ABI3BP: variants seen among roughly 807,000 people sequenced by gnomAD.
ABI3BP encodes the protein ABI family member 3 binding protein.
Under a neutral mutation model 268.6 loss-of-function variants are expected in ABI3BP, and 216 were observed. That is an observed-to-expected ratio of 0.80 (90% confidence interval 0.72 to 0.90). The LOEUF (loss-of-function observed/expected upper bound fraction) is 0.90, where lower values mean the gene tolerates loss of function less well. ABI3BP is among the 40% of genes least tolerant of loss of function. The probability of loss-of-function intolerance (pLI) is 0.00; values close to 1 mark genes in which losing one functional copy is unlikely to be tolerated. For synonymous variants in ABI3BP, 730 were observed against 730.0 expected, an observed-to-expected ratio of 1.00 and a Z score of 0.00; for missense variants, 2,090 against 2,182.4, an observed-to-expected ratio of 0.96 and a Z score of 0.84.
chr3:100,898,314 C>T (rs1333075414), intron 4 of ABI3BP, among the ~76,000 whole-genome samples: 1 of 152,098 alleles, frequency 6.6e-6, no homozygotes, highest in Admixed American at 6.5e-5. Flanking sequence ...CTGAGGGGGA[C>T]CTGAGAATTT....
intron 20 of ABI3BP, among the ~76,000 whole-genome samples, chr3:100,842,671 G>A (rs376772861): frequency 6.6e-6 from 1 of 151,968 alleles, no homozygotes; most frequent in South Asian, 2.1e-4. Context: ...TTAAATAACA[G>A]TATCTAAATA....
intron 2 of ABI3BP, chr3:100,911,458 C>T (rs542652419): frequency 1.3e-4 from 47 of 375,976 alleles, no homozygotes; most frequent in Middle Eastern, 7.8e-4. Flanking sequence ...TGTTTATATC[C>T]TTTACTAGTT....
intron 66 of ABI3BP, 173 bp downstream of exon 66, chr3:100,752,614 A>C (rs2095399684): frequency 1.6e-6 from 1 of 626,182 alleles, no homozygotes; most frequent in Admixed American, 3.0e-5. Context: ...GCATGTCTTA[A>C]ATCCTTGCTT....
intron 46 of ABI3BP, 21 bp downstream of exon 46, chr3:100,812,446 C>A: frequency 1.4e-5 from 18 of 1,293,804 alleles, no homozygotes; most frequent in Non-Finnish European, 1.7e-5. Flanking sequence ...TGCTTGACTT[C>A]CCATTGGGGA....
intron 1 of ABI3BP, among the ~76,000 whole-genome samples, chr3:100,992,613 T>C (rs965792212): frequency 6.6e-6 from 1 of 152,270 alleles, no homozygotes; most frequent in Non-Finnish European, 1.5e-5. Flanking sequence ...CAACAGCCTC[T>C]TGTTTTGGTT....
chr3:100,791,269 A>G (rs1577838740), intron 55 of ABI3BP, among the ~76,000 whole-genome samples: 1 of 151,894 alleles, frequency 6.6e-6, no homozygotes. Context: ...TGGTGACACA[A>G]TATTCTCTTT....
intron 1 of ABI3BP, among the ~76,000 whole-genome samples, chr3:100,939,908 C>A (rs983606492): frequency 1.3e-5 from 2 of 151,966 alleles, no homozygotes; most frequent in African/African-American, 2.4e-5. Flanking sequence ...TAGGCCTATA[C>A]CCCCAGGCGC....
chr3:100,828,336 A>G, intron 34 of ABI3BP, 57 bp downstream of exon 34: 1 of 1,445,756 alleles, frequency 6.9e-7, no homozygotes, highest in South Asian at 1.2e-5. Flanking sequence ...TATACAGTGG[A>G]ATAAGCTTGA....
chr3:100,968,233 A>C (rs2082112198), intron 1 of ABI3BP, among the ~76,000 whole-genome samples: 1 of 152,194 alleles, frequency 6.6e-6, no homozygotes, highest in Non-Finnish European at 1.5e-5. Context: ...CCATTTCAGA[A>C]ATTTCAAATA....
chr3:100,993,420 G>A lies in ABI3BP; in HGVS notation c.-36C>T, dbSNP rs1396548251. The stretch of plus-strand genomic sequence containing the variant: ...CCACCTCGCATGGGGAATGATGCTG[G>A]TGGGTGCCTCGCAACCCTGGAGCTG... On this transcript the variant is annotated 5_prime_UTR_variant, in exon 1 of 68. Coordinates refer to ENST00000471714, the MANE Select transcript of ABI3BP (RefSeq NM_001375547.2). 6.5e-7 allele frequency: 1 copy of A among 1,538,390 alleles called. No individual in the cohort carries two copies.
At chr3:100,828,289 C>A (rs2098424436) in intron 34 of ABI3BP, 104 bp downstream of exon 34, 2 of 1,052,424 alleles carry the variant, frequency 1.9e-6, no homozygotes, top group African/African-American at 1.6e-5. Context: ...TATGCATGTT[C>A]AACCGTTACA....
At chr3:100,767,829 T>A (rs2096353781) in intron 62 of ABI3BP, among the ~76,000 whole-genome samples, 1 of 152,134 alleles carries the variant, frequency 6.6e-6, no homozygotes, top group Non-Finnish European at 1.5e-5. Context: ...TTATTTATCA[T>A]CCTTGAGTTG....
At chr3:100,964,392 G>A (rs1051586509) in intron 1 of ABI3BP, among the ~76,000 whole-genome samples, 6 of 152,124 alleles carry the variant, frequency 3.9e-5, no homozygotes, top group African/African-American at 1.4e-4. Flanking sequence ...CCTCAAATTG[G>A]ACTATAAATT....
chr3:100,964,868 G>A (rs1052672620), intron 1 of ABI3BP, among the ~76,000 whole-genome samples: 2 of 152,076 alleles, frequency 1.3e-5, no homozygotes, highest in African/African-American at 4.8e-5. Flanking sequence ...GCCCTCACTG[G>A]TTGTACCAGC....
chr3:100,894,926 G>GT (rs1426707626), intron 4 of ABI3BP, among the ~76,000 whole-genome samples: 23 of 60,292 alleles, frequency 3.8e-4, no homozygotes, highest in African/African-American at 9.8e-4. Context: ...GCGACAGAGC[G>GT]GGATTCCGCT....
At chr3:100,783,294 G>A (rs1012953328) in intron 57 of ABI3BP, among the ~76,000 whole-genome samples, 1 of 152,170 alleles carries the variant, frequency 6.6e-6, no homozygotes, top group African/African-American at 2.4e-5. Context: ...GAGGGGACTG[G>A]ATTATCGTGC....
At chr3:100,919,554 C>G (rs2059632485) in intron 2 of ABI3BP, among the ~76,000 whole-genome samples, 1 of 152,184 alleles carries the variant, frequency 6.6e-6, no homozygotes, top group South Asian at 2.1e-4. Flanking sequence ...TGACTCATAT[C>G]TGATCAATCG....
rs146669295 is a variant in ABI3BP at position 100,862,938 on chromosome 3, G to A, written c.1139-29C>T. On this transcript the variant is annotated intron_variant, in intron 12 of 67. Transcript: ENST00000471714. ...TAATGAAACACATAAAGAAAGTTAC[G>A]ACCTGAGGTGAAAGTAACAGGAAAG... is the stretch of plus-strand genomic sequence containing the variant. 1,521 of 1,465,028 alleles carry A rather than the reference G, an allele frequency of 1.0e-3. 1 individual carries two copies. The highest frequency in any genetic ancestry group is 2.3e-3 in the African/African-American group (164 of 70,936). The allele number at this position is 1,465,028 out of a possible 1,614,324, so 90.8% of individuals were successfully genotyped here.
Position 100,815,942 on chromosome 3 carries a change from G to T in ABI3BP, c.3259C>A (p.His1087Asn). ...VSVTGFEPVV[H>N]STDAPGTTFA... ...GTTGTTCCTGGAGCATCAGTACTAT[G>T]AACAACAGGTTCAAAGCCTGTAACA... Residue 1087 changes from histidine (H) to asparagine (N), a missense_variant, in exon 44 of 68, where the codon CAT (histidine) becomes AAT (asparagine). His to Asn is a moderately conservative substitution (Grantham distance 68). Transcript: ENST00000471714. The T allele has an allele frequency of 6.5e-7, 1 of 1,528,150 alleles. No homozygotes were observed. Among genetic ancestry groups the T allele is most frequent in the South Asian group, 1.2e-5 (1 of 82,126 alleles). The allele number at this position is 1,528,150 out of a possible 1,614,324, so 94.7% of individuals were successfully genotyped here.
Sources: allele counts gnomAD v4.1 joint callset (sites outside exome capture counted in the v4.1 genomes callset), GRCh38; gene constraint gnomAD v4.1.1; transcripts MANE v1.5; gene names NCBI Gene and HGNC (gene_info 2026-07-23, HGNC 2026-07-21).